GMDS: variants seen among roughly 807,000 people sequenced by gnomAD.
GMDS encodes the protein GDP-mannose 4,6-dehydratase, also known as GDP-mannose 4,6 dehydratase.
In GMDS, 20 loss-of-function variants were observed where a neutral mutation model predicts 49.9. The observed-to-expected ratio is 0.40, with a 90% CI of 0.28 to 0.58. The LOEUF (loss-of-function observed/expected upper bound fraction) is 0.58. GMDS is among the 20% of genes least tolerant of loss of function. GMDS has a pLI of 0.42. For missense variants in GMDS, 362 were observed against 481.4 expected (o/e 0.75, Z 2.32); for synonymous variants, 177 against 178.6 (o/e 0.99, Z 0.07).
intron 7 of GMDS, among the ~76,000 whole-genome samples, chr6:1,872,719 A>T (rs1758836317): frequency 6.6e-6 from 1 of 152,270 alleles, no homozygotes; most frequent in Non-Finnish European, 1.5e-5. Context: ...GTGGCAATTT[A>T]TAGATGCGCT....
intron 7 of GMDS, among the ~76,000 whole-genome samples, chr6:1,901,700 A>G (rs547274552): frequency 3.9e-5 from 6 of 152,302 alleles, no homozygotes; most frequent in Admixed American, 2.6e-4. Context: ...ATGACTCACC[A>G]AACTGTCCCT....
At chr6:2,116,385 G>C (rs974682873) in intron 3 of GMDS, among the ~76,000 whole-genome samples, 2 of 152,064 alleles carry the variant, frequency 1.3e-5, no homozygotes, top group African/African-American at 2.4e-5. Context: ...ATTGATTGAA[G>C]GACAACTCCT....
chr6:2,180,800 C>T (rs1778484921), intron 1 of GMDS, among the ~76,000 whole-genome samples: 1 of 152,076 alleles, frequency 6.6e-6, no homozygotes, highest in African/African-American at 2.4e-5. Flanking sequence ...ACTGTTAGAA[C>T]CAGCCAGAGG....
chr6:1,923,956 A>C (rs1761860228), intron 7 of GMDS, among the ~76,000 whole-genome samples: 1 of 152,190 alleles, frequency 6.6e-6, no homozygotes, highest in African/African-American at 2.4e-5. Context: ...TCTCTGTATT[A>C]GCTGAGAACT....
At chr6:1,726,673 C>G (rs1032618132) in intron 8 of GMDS, among the ~76,000 whole-genome samples, 161 bp from the exon 9 acceptor site, 7 of 152,178 alleles carry the variant, frequency 4.6e-5, no homozygotes, top group Non-Finnish European at 8.8e-5. Context: ...AAAGCAACGG[C>G]GACTTTCAAA....
chr6:1,881,392 A>G (rs996929522), intron 7 of GMDS, among the ~76,000 whole-genome samples: 2 of 152,212 alleles, frequency 1.3e-5, no homozygotes, highest in Non-Finnish European at 2.9e-5. Flanking sequence ...AAAAATCATT[A>G]AAAGATTAAA....
At chr6:2,223,578 C>G (rs1780692726) in intron 1 of GMDS, among the ~76,000 whole-genome samples, 3 of 152,066 alleles carry the variant, frequency 2.0e-5, no homozygotes, top group African/African-American at 7.2e-5. Context: ...GACACCGCTA[C>G]CAAAGCTATG....
At chr6:1,965,949 G>T (rs1443621554) in intron 4 of GMDS, among the ~76,000 whole-genome samples, 1 of 152,178 alleles carries the variant, frequency 6.6e-6, no homozygotes, top group African/African-American at 2.4e-5. Context: ...GAGAGCTACA[G>T]CCCACAGGCC....
chr6:2,126,129 A>G (rs779163262), intron 1 of GMDS, among the ~76,000 whole-genome samples: 1 of 152,190 alleles, frequency 6.6e-6, no homozygotes, highest in Non-Finnish European at 1.5e-5. Flanking sequence ...ACTATTTAAT[A>G]GGTCAAAAGT....
At chr6:2,016,457 A>G (rs1767908126) in intron 4 of GMDS, among the ~76,000 whole-genome samples, 1 of 152,200 alleles carries the variant, frequency 6.6e-6, no homozygotes, top group African/African-American at 2.4e-5. Flanking sequence ...TATATGACTC[A>G]AAAGCTACCA....
intron 4 of GMDS, among the ~76,000 whole-genome samples, chr6:2,014,285 G>A (rs1767761004): frequency 6.6e-6 from 1 of 151,486 alleles, no homozygotes; most frequent in African/African-American, 2.4e-5. Flanking sequence ...TAAAAAAAAA[G>A]AAAGAAACAA....
At chr6:2,080,478 T>G (rs1299958473) in intron 4 of GMDS, among the ~76,000 whole-genome samples, 1 of 152,196 alleles carries the variant, frequency 6.6e-6, no homozygotes, top group Non-Finnish European at 1.5e-5. Context: ...GGGGAGGGCA[T>G]TGTTTTGAAC....
intron 1 of GMDS, among the ~76,000 whole-genome samples, chr6:2,171,103 C>T (rs987222333): frequency 2.0e-5 from 3 of 152,134 alleles, no homozygotes; most frequent in Non-Finnish European, 4.4e-5. Context: ...TGCAAATACA[C>T]ATTGGTAAAT....
intron 4 of GMDS, among the ~76,000 whole-genome samples, chr6:2,067,270 T>C (rs139346488): frequency 0.013 from 2,034 of 152,278 alleles, 15 homozygotes; most frequent in Non-Finnish European, 0.022. Flanking sequence ...AAGCAGTATG[T>C]AGAGGGAAAT....
chr6:2,209,570 T>C (rs373439582), intron 1 of GMDS, among the ~76,000 whole-genome samples: 68 of 135,986 alleles, frequency 5.0e-4, no homozygotes, highest in Middle Eastern at 3.6e-3. Context: ...CACATACACA[T>C]ACACACACAC....
intron 7 of GMDS, among the ~76,000 whole-genome samples, chr6:1,817,112 C>CAA (rs1770704621): frequency 6.7e-6 from 1 of 149,910 alleles, no homozygotes; most frequent in African/African-American, 2.5e-5. Context: ...CTCCTTTACA[C>CAA]ACACACACAC....
chr6:2,145,725 T>C (rs1776522669), intron 1 of GMDS, among the ~76,000 whole-genome samples: 2 of 152,200 alleles, frequency 1.3e-5, no homozygotes, highest in Non-Finnish European at 2.9e-5. Context: ...GTTTACACTG[T>C]ATTATATAAG....
intron 4 of GMDS, among the ~76,000 whole-genome samples, chr6:2,059,703 GTC>G (rs1771016880): frequency 8.2e-4 from 2 of 2,434 alleles, no homozygotes; most frequent in East Asian, 0.5. Context: ...GCGAGACTCC[GTC>G]TCAAAAAAAA....
chr6:1,724,910 C>T (rs1766520321), intron 9 of GMDS, among the ~76,000 whole-genome samples: 1 of 152,212 alleles, frequency 6.6e-6, no homozygotes, highest in Admixed American at 6.5e-5. Flanking sequence ...CTCCACAGCC[C>T]TACCTCTCCC....
Sources: gnomAD v4.1 joint callset for allele counts (sites outside exome capture counted in the v4.1 genomes callset) on GRCh38, gnomAD v4.1.1 for gene constraint, MANE v1.5 for transcripts, NCBI Gene and HGNC (gene_info 2026-07-23, HGNC 2026-07-21) for gene names.